Variants in DIP2C observed in about 807,000 individuals in gnomAD.
DIP2C encodes DIP2 acetate--CoA ligase C (putative), also known as disco-interacting protein 2 homolog C.
In DIP2C, 33 loss-of-function variants were observed where a neutral mutation model predicts 192.4. The observed-to-expected ratio is 0.17, with a 90% CI of 0.13 to 0.23. DIP2C has a LOEUF of 0.23. DIP2C is among the 10% of genes least tolerant of loss of function. The probability of loss-of-function intolerance (pLI) is 1.00; values close to 1 mark genes in which losing one functional copy is unlikely to be tolerated. For synonymous variants in DIP2C, 979 were observed against 864.1 expected, an observed-to-expected ratio of 1.13 and a Z score of -2.33; for missense variants, 1,537 against 2,110.1, an observed-to-expected ratio of 0.73 and a Z score of 5.32.
At chr10:324,393 C>T (rs1957171252) in intron 31 of DIP2C, among the ~76,000 whole-genome samples, 1 of 152,202 alleles carries the variant, frequency 6.6e-6, no homozygotes, top group African/African-American at 2.4e-5. Flanking sequence ...AAGCCAGAAA[C>T]CTAATTCCGA....
At chr10:409,910 A>G (rs1291896353) in intron 8 of DIP2C, among the ~76,000 whole-genome samples, 1 of 152,248 alleles carries the variant, frequency 6.6e-6, no homozygotes, top group East Asian at 1.9e-4. Context: ...ACCTAGTCTC[A>G]GAGGCTTCAG....
At chr10:505,737 G>A (rs1845557302) in intron 1 of DIP2C, among the ~76,000 whole-genome samples, 1 of 151,630 alleles carries the variant, frequency 6.6e-6, no homozygotes, top group Non-Finnish European at 1.5e-5. Context: ...TATTTCCTCT[G>A]GGTGCACCTG....
intron 32 of DIP2C, among the ~76,000 whole-genome samples, chr10:300,854 C>A (rs1252541388): frequency 6.6e-6 from 1 of 152,130 alleles, no homozygotes; most frequent in East Asian, 1.9e-4. Flanking sequence ...CGGCCCTGAG[C>A]GTGTGGAGAA....
At chr10:676,823 G>C (rs909811548) in intron 1 of DIP2C, among the ~76,000 whole-genome samples, 1 of 151,922 alleles carries the variant, frequency 6.6e-6, no homozygotes, top group South Asian at 2.1e-4. Context: ...GTTAACTAAT[G>C]GATACAAAAT....
At chr10:426,189 C>T (rs1457387034) in intron 4 of DIP2C, among the ~76,000 whole-genome samples, 2 of 152,150 alleles carry the variant, frequency 1.3e-5, no homozygotes, top group Non-Finnish European at 2.9e-5. Flanking sequence ...ACAAGATATA[C>T]ATATACTAGC....
intron 1 of DIP2C, chr10:650,393 G>A (rs929168579): frequency 8.4e-6 from 6 of 716,184 alleles, no homozygotes; most frequent in African/African-American, 3.5e-5. Context: ...GCAGCCACAC[G>A]CCCCAGACCA....
chr10:597,448 GC>G (rs61682022), intron 1 of DIP2C, among the ~76,000 whole-genome samples: 33,677 of 152,078 alleles, frequency 0.22, 4,690 homozygotes, highest in Non-Finnish European at 0.31. Context: ...ATATCCCAGT[GC>G]CCCCCTACAA....
At chr10:458,173 T>C (rs1359791767) in intron 3 of DIP2C, among the ~76,000 whole-genome samples, 1 of 152,210 alleles carries the variant, frequency 6.6e-6, no homozygotes, top group African/African-American at 2.4e-5. Flanking sequence ...GACATCACAG[T>C]GGCTACACAG....
At chr10:587,316 C>T (rs932024675) in intron 1 of DIP2C, among the ~76,000 whole-genome samples, 1 of 152,180 alleles carries the variant, frequency 6.6e-6, no homozygotes, top group Non-Finnish European at 1.5e-5. Flanking sequence ...TTCCTAAACC[C>T]TCTGCTCTCC....
intron 3 of DIP2C, among the ~76,000 whole-genome samples, chr10:445,470 C>A (rs889559316): frequency 6.7e-6 from 1 of 150,008 alleles, no homozygotes; most frequent in Non-Finnish European, 1.5e-5. Context: ...CACAGGCCCA[C>A]TGGACATCTG....
chr10:305,222 A>G (rs1295569019), intron 32 of DIP2C, among the ~76,000 whole-genome samples: 3 of 152,236 alleles, frequency 2.0e-5, no homozygotes, highest in Non-Finnish European at 4.4e-5. Context: ...CCCATGCAAC[A>G]CATGACACAG....
At chr10:619,041 T>C (rs1338467939) in intron 1 of DIP2C, among the ~76,000 whole-genome samples, 2 of 152,270 alleles carry the variant, frequency 1.3e-5, no homozygotes, top group South Asian at 2.1e-4. Context: ...AGAAATAAAA[T>C]CAGAATTCTA....
At chr10:278,648 G>A (rs7913692) in intron 36 of DIP2C, among the ~76,000 whole-genome samples, 1 of 152,222 alleles carries the variant, frequency 6.6e-6, no homozygotes, top group African/African-American at 2.4e-5. Flanking sequence ...CCATGTGCAG[G>A]GAAAAGTCTT....
At chr10:317,956 G>A (rs1956847793) in intron 31 of DIP2C, among the ~76,000 whole-genome samples, 1 of 152,232 alleles carries the variant, frequency 6.6e-6, no homozygotes, top group Non-Finnish European at 1.5e-5. Flanking sequence ...AGAGAAAGAG[G>A]AGGCATCGCC....
At chr10:292,736 C>T (rs1020544966) in intron 32 of DIP2C, among the ~76,000 whole-genome samples, 2 of 152,196 alleles carry the variant, frequency 1.3e-5, no homozygotes. Context: ...CTGAGATAAT[C>T]AGGTTTTTCA....
rs569156913 is a variant in DIP2C, at chr10:289,854, G to A, written c.3987-1433C>T. Among the ~76,000 whole-genome samples, 205 of 152,304 alleles carry A rather than the reference G, an allele frequency of 1.3e-3. 1 individual carries two copies. Among genetic ancestry groups the A allele is most frequent in the African/African-American group, 4.8e-3 (200 of 41,570 alleles). On this transcript the variant is annotated intron_variant, in intron 32 of 36. Coordinates refer to ENST00000280886, the MANE Select transcript of DIP2C (RefSeq NM_014974.3). Reference sequence around the variant, plus strand: ...GTGTGGTAGGTGGCACCGGCCTGACGTCCTCCACGTGCCAGACATGTGGCT... The same window carrying A: ...GTGTGGTAGGTGGCACCGGCCTGACATCCTCCACGTGCCAGACATGTGGCT...
intron 1 of DIP2C, among the ~76,000 whole-genome samples, chr10:536,245 CTG>C (rs981550498): frequency 9.8e-5 from 15 of 152,374 alleles, no homozygotes; most frequent in East Asian, 9.6e-4. Flanking sequence ...GCCCTTTTCT[CTG>C]TGTCTCAAAT....
intron 4 of DIP2C, among the ~76,000 whole-genome samples, chr10:428,781 C>T (rs1201282562): frequency 6.6e-6 from 1 of 152,092 alleles, no homozygotes; most frequent in Non-Finnish European, 1.5e-5. Context: ...GTCACAGGAG[C>T]TTGAGGTTCT....
intron 1 of DIP2C, among the ~76,000 whole-genome samples, chr10:617,135 T>C (rs190422399): frequency 2.2e-4 from 33 of 152,048 alleles, no homozygotes; most frequent in Admixed American, 3.9e-4. Flanking sequence ...TCCCAGGCAC[T>C]GCCTCTGTGC....
Sources: gnomAD v4.1 joint callset for allele counts (sites outside exome capture counted in the v4.1 genomes callset) on GRCh38, gnomAD v4.1.1 for gene constraint, MANE v1.5 for transcripts, NCBI Gene and HGNC (gene_info 2026-07-23, HGNC 2026-07-21) for gene names.